TCF12: variants seen among roughly 807,000 people sequenced by gnomAD.
TCF12 encodes the protein DNA-binding protein HTF4.
TCF12 carries 45 observed loss-of-function variants against 86.0 expected under a neutral mutation model. The observed-to-expected ratio is 0.52, with a 90% CI of 0.41 to 0.67. The LOEUF (loss-of-function observed/expected upper bound fraction) is 0.67, where lower values mean the gene tolerates loss of function less well. Ranked by LOEUF, TCF12 falls within the 30% of genes least tolerant of loss-of-function variation. The pLI, the probability that TCF12 is intolerant of heterozygous loss-of-function variation, is 0.00. For missense variants in TCF12, 881 were observed against 859.9 expected, an observed-to-expected ratio of 1.02 and a Z score of -0.31; for synonymous variants, 330 against 299.6, an observed-to-expected ratio of 1.10 and a Z score of -1.05.
At chr15:57,272,551 G>C (rs755797665) in intron 18 of TCF12, among the ~76,000 whole-genome samples, 3 of 152,172 alleles carry the variant, frequency 2.0e-5, no homozygotes, top group Non-Finnish European at 2.9e-5. Context: ...CATGTACTAG[G>C]GGGGCTTTTA....
In TCF12 at chr15:56,974,398, ACT is replaced by A. The variant is rs770893001; in HGVS notation, c.148+53303_148+53304del. On this transcript the variant is annotated intron_variant, in intron 3 of 20. Coordinates refer to ENST00000333725, the MANE Select transcript of TCF12 (RefSeq NM_207037.2). Reference sequence around the variant, plus strand: ...TACCACATGTGGGATTTAGGTGAAGACTCTATGGGGATTCTTTGTGCTAGTCT... The same window carrying A: ...TACCACATGTGGGATTTAGGTGAAGACTATGGGGATTCTTTGTGCTAGTCT... Among the ~76,000 whole-genome samples, 5 of 151,910 alleles carry A rather than the reference ACT, an allele frequency of 3.3e-5. No homozygotes were observed. In the East Asian group the frequency reaches 7.7e-4, roughly 23 times the overall value.
rs2070372400 is a variant in TCF12 at position 57,078,847 on chromosome 15, G to A, written c.223-12942G>A. On this transcript the variant is annotated intron_variant, in intron 4 of 20. Coordinates refer to ENST00000333725, the MANE Select transcript of TCF12 (RefSeq NM_207037.2). ...GAAATCCATTTCGGTTATTGCTGCT[G>A]ATGAAAACCATCGTATTTGATCACA... 2.0e-5 allele frequency among the ~76,000 whole-genome samples: 3 copies of A among 152,164 alleles called. No homozygotes were observed. In the South Asian group the frequency reaches 6.2e-4, roughly 31 times the overall value.
chr15:57,154,024 A>G (rs962783011), intron 5 of TCF12, among the ~76,000 whole-genome samples: 7 of 152,046 alleles, frequency 4.6e-5, no homozygotes, highest in African/African-American at 1.2e-4. Flanking sequence ...AAGAAAAAAG[A>G]AGTTTGAGAA....
intron 3 of TCF12, among the ~76,000 whole-genome samples, chr15:56,998,375 T>C (rs907937427): frequency 1.3e-5 from 2 of 150,508 alleles, no homozygotes; most frequent in South Asian, 4.2e-4. Flanking sequence ...GAGAATTGCT[T>C]GAACCCAGGA....
chr15:56,928,258 TA>T (rs1300730010), intron 3 of TCF12, among the ~76,000 whole-genome samples: 2 of 152,190 alleles, frequency 1.3e-5, no homozygotes, highest in Non-Finnish European at 2.9e-5. Context: ...GTTATCTATA[TA>T]TTTTTTTCCT....
chr15:57,140,218 A>T (rs1474884796), intron 5 of TCF12, among the ~76,000 whole-genome samples: 1 of 152,192 alleles, frequency 6.6e-6, no homozygotes, highest in Non-Finnish European at 1.5e-5. Flanking sequence ...AATATTATTG[A>T]GCCTTAAAAA....
upstream of TCF12, chr15:56,918,324 G>A (rs548061877): frequency 2.1e-4 from 97 of 452,240 alleles, no homozygotes; most frequent in African/African-American, 1.8e-3. Context: ...CGGGGGCCGA[G>A]AACCAGCAAG....
intron 6 of TCF12, among the ~76,000 whole-genome samples, chr15:57,174,147 A>C (rs1478099370): frequency 6.6e-6 from 1 of 152,264 alleles, no homozygotes; most frequent in Non-Finnish European, 1.5e-5. Flanking sequence ...AAGTTAGTTT[A>C]GAAAACAGAG....
intron 6 of TCF12, among the ~76,000 whole-genome samples, chr15:57,189,761 A>G (rs2056883113): frequency 1.3e-5 from 2 of 152,240 alleles, no homozygotes; most frequent in Non-Finnish European, 1.5e-5. Context: ...ATTGAAAACA[A>G]TTACTCAAAT....
chr15:57,104,932 G>A (rs2050039849), intron 5 of TCF12, among the ~76,000 whole-genome samples: 1 of 132,532 alleles, frequency 7.5e-6, no homozygotes, highest in African/African-American at 3.0e-5. Context: ...GGAGTGCAAT[G>A]GTTTGATTTC....
At chr15:56,980,780 T>G (rs562273754) in intron 3 of TCF12, among the ~76,000 whole-genome samples, 2 of 152,218 alleles carry the variant, frequency 1.3e-5, no homozygotes, top group African/African-American at 4.8e-5. Context: ...CTGCTAGTCA[T>G]GTTTGGCTGT....
At chr15:57,001,215 A>T (rs2064015504) in intron 3 of TCF12, 1 of 159,200 alleles carries the variant, frequency 6.3e-6, no homozygotes, top group Admixed American at 6.5e-5. Context: ...GGGTTTTGCC[A>T]TGTTGGCCAG....
chr15:57,163,591 T>C (rs1178767689), intron 5 of TCF12, among the ~76,000 whole-genome samples: 1 of 152,028 alleles, frequency 6.6e-6, no homozygotes, highest in African/African-American at 2.4e-5. Flanking sequence ...TGGTTCCAGC[T>C]ACTTGGGAGG....
rs530883792 is a variant in TCF12, at chr15:56,928,076, T to C, written c.148+6978T>C. ...TTTGTGAGAGAGACAATATAGTGTA[T>C]TGGAAAGAATTGGGCTCAGGAGCCA... On this transcript the variant is annotated intron_variant, in intron 3 of 20. Transcript: ENST00000333725. Among the ~76,000 whole-genome samples the C allele has an allele frequency of 2.6e-5, 4 of 152,200 alleles. No individual in the cohort carries two copies. The South Asian group carries it at 8.3e-4, about 32-fold the overall frequency.
In TCF12 at chr15:56,935,548, G is replaced by C. The variant is rs574167929; in HGVS notation, c.148+14450G>C. Among the ~76,000 whole-genome samples, 5 of 152,160 alleles carry C rather than the reference G, an allele frequency of 3.3e-5. No individual in the cohort carries two copies. The East Asian group carries it at 9.7e-4, about 29-fold the overall frequency. On this transcript the variant is annotated intron_variant, in intron 3 of 20. Coordinates refer to ENST00000333725, the MANE Select transcript of TCF12 (RefSeq NM_207037.2). ...TGACATGAGTAAGTTCTTTAGTTGT[G>C]ATTTGTGAGATTTTGGTGCACCCAT...
At chr15:57,136,704 C>G (rs1773744754) in intron 5 of TCF12, among the ~76,000 whole-genome samples, 1 of 152,078 alleles carries the variant, frequency 6.6e-6, no homozygotes, top group South Asian at 2.1e-4. Context: ...GAGACAAGGT[C>G]TCACTCTGTC....
At chr15:56,986,247 T>C (rs1260079911) in intron 3 of TCF12, among the ~76,000 whole-genome samples, 1 of 152,172 alleles carries the variant, frequency 6.6e-6, no homozygotes, top group Non-Finnish European at 1.5e-5. Flanking sequence ...AATTACCTTA[T>C]ATTGCTGCTT....
intron 5 of TCF12, among the ~76,000 whole-genome samples, chr15:57,161,894 A>G (rs1240494508): frequency 1.3e-5 from 2 of 152,214 alleles, no homozygotes; most frequent in Non-Finnish European, 2.9e-5. Context: ...AAATTACAGG[A>G]AATGTGAGGT....
chr15:56,976,411 A>G (rs62022985), intron 3 of TCF12, among the ~76,000 whole-genome samples: 4 of 150,464 alleles, frequency 2.7e-5, no homozygotes, highest in South Asian at 4.2e-4. Flanking sequence ...TTTTTTTTAA[A>G]TATTTTTAGT....
Sources: allele counts gnomAD v4.1 joint callset (sites outside exome capture counted in the v4.1 genomes callset), GRCh38; gene constraint gnomAD v4.1.1; transcripts MANE v1.5; gene names NCBI Gene and HGNC (gene_info 2026-07-23, HGNC 2026-07-21).